Variants in NRP1 observed in about 807,000 individuals in gnomAD.
NRP1 encodes neuropilin-1.
Under a neutral mutation model 106.7 loss-of-function variants are expected in NRP1, and 35 were observed. The observed-to-expected ratio is 0.33, with a 90% confidence interval of 0.25 to 0.43. NRP1 has a LOEUF of 0.43. Ranked by LOEUF, NRP1 falls within the 20% of genes least tolerant of loss-of-function variation. The pLI, the probability that NRP1 is intolerant of heterozygous loss-of-function variation, is 1.00. For synonymous variants in NRP1, 437 were observed against 417.9 expected (o/e 1.05, Z -0.56); for missense variants, 1,024 against 1,170.4 (o/e 0.87, Z 1.83).
In NRP1 at chr10:33,293,292, C is replaced by T. The variant is rs192192121; in HGVS notation, c.249-22436G>A. ...ATATTTTTGGCCTGACAAACTTTAA[C>T]TTCTTTAGTACATATCTTGGCAGCC... On this transcript the variant is annotated intron_variant, in intron 2 of 16. Coordinates refer to ENST00000374867, the MANE Select transcript of NRP1 (RefSeq NM_003873.7). Among the ~76,000 whole-genome samples the T allele has an allele frequency of 1.5e-4, 23 of 152,290 alleles. No homozygotes were observed. The East Asian group carries it at 3.7e-3, about 24-fold the overall frequency.
At chr10:33,235,078 A>G (rs1564408371) in intron 6 of NRP1, among the ~76,000 whole-genome samples, 1 of 152,216 alleles carries the variant, frequency 6.6e-6, no homozygotes, top group East Asian at 1.9e-4. Flanking sequence ...TTTATAACAC[A>G]TTCTCCCACT....
chr10:33,258,537 C>T (rs3780869), intron 4 of NRP1, among the ~76,000 whole-genome samples: 21,443 of 152,204 alleles, frequency 0.14, 1,676 homozygotes, highest in Middle Eastern at 0.22. Context: ...CAGGGCATCA[C>T]GCTGTCACGG....
chr10:33,331,836 A>C (rs1278227908), intron 1 of NRP1, among the ~76,000 whole-genome samples: 1 of 152,216 alleles, frequency 6.6e-6, no homozygotes, highest in Admixed American at 6.5e-5. Flanking sequence ...AAATGCTGCC[A>C]CATTTATTGA....
intron 2 of NRP1, among the ~76,000 whole-genome samples, chr10:33,281,538 CA>C (rs1844130819): frequency 1.3e-5 from 2 of 152,138 alleles, no homozygotes; most frequent in African/African-American, 4.8e-5. Context: ...CAAAGTGTCA[CA>C]GGGGACAATG....
intron 8 of NRP1, 88 bp from the exon 9 acceptor site, chr10:33,213,805 C>T: frequency 2.9e-6 from 3 of 1,042,098 alleles, no homozygotes; most frequent in Non-Finnish European, 4.2e-6. Flanking sequence ...GGAATAAAGA[C>T]ATGATTTTGT....
intron 2 of NRP1, among the ~76,000 whole-genome samples, chr10:33,285,164 C>T (rs536583327): frequency 6.6e-5 from 10 of 152,306 alleles, no homozygotes; most frequent in Middle Eastern, 3.4e-3. Context: ...AGAGCTCAAC[C>T]AAGGCTGACA....
At chr10:33,221,956 A>G in intron 7 of NRP1, 93 bp from the exon 8 acceptor site, 3 of 1,381,528 alleles carry the variant, frequency 2.2e-6, no homozygotes, top group Non-Finnish European at 3.0e-6. Context: ...AATTATTTAC[A>G]ATTTCAGTGT....
At chr10:33,281,573 G>A (rs1844133021) in intron 2 of NRP1, among the ~76,000 whole-genome samples, 1 of 152,172 alleles carries the variant, frequency 6.6e-6, no homozygotes, top group African/African-American at 2.4e-5. Context: ...ACATCTACCT[G>A]ACATCTGGCA....
chr10:33,207,486 A>C (rs1588722172), intron 10 of NRP1, 86 bp downstream of exon 10: 2 of 1,494,790 alleles, frequency 1.3e-6, no homozygotes, highest in East Asian at 2.3e-5. Flanking sequence ...AGGGTAGGCA[A>C]TTTGCAAAGG....
chr10:33,295,747 G>C (rs1231403480), intron 2 of NRP1, among the ~76,000 whole-genome samples: 1 of 152,020 alleles, frequency 6.6e-6, no homozygotes, highest in African/African-American at 2.4e-5. Context: ...TATATTTTGG[G>C]GGTACACCAT....
chr10:33,272,181 T>G (rs1843354361), intron 2 of NRP1, among the ~76,000 whole-genome samples: 1 of 152,176 alleles, frequency 6.6e-6, no homozygotes. Flanking sequence ...AACGATGCTA[T>G]CACTAGTAAA....
At position 33,188,910 on chromosome 10, in the gene NRP1, AATAT is replaced by A. The variant is rs9299704; in HGVS notation, c.2063-2426_2063-2423del. 3.1e-4 allele frequency among the ~76,000 whole-genome samples: 35 copies of A among 111,380 alleles called. 2 individuals are homozygous for A. The highest frequency in any genetic ancestry group is 1.2e-3 in the African/African-American group (30 of 24,716). 73.1% of individuals were successfully genotyped at this position (111,380 alleles called of 152,430 possible). A position where few individuals can be genotyped will look rare whatever the true frequency, so the allele number is the denominator to read the frequency against. On this transcript the variant is annotated intron_variant, in intron 13 of 16. Coordinates refer to ENST00000374867, the MANE Select transcript of NRP1 (RefSeq NM_003873.7). The stretch of plus-strand genomic sequence containing the variant: ...CCTAGGCAACAGAGACCCTGTCTTA[AATAT>A]ATATATATATATATATATATATAAA...
At chr10:33,278,921 G>A (rs1204805415) in intron 2 of NRP1, among the ~76,000 whole-genome samples, 5 of 152,064 alleles carry the variant, frequency 3.3e-5, no homozygotes, top group Non-Finnish European at 7.4e-5. Context: ...AGGTACGAGA[G>A]TTTATAGTCC....
At chr10:33,236,869 A>G (rs974608407) in intron 6 of NRP1, among the ~76,000 whole-genome samples, 4 of 152,242 alleles carry the variant, frequency 2.6e-5, no homozygotes, top group Non-Finnish European at 5.9e-5. Flanking sequence ...CAGGTATTGT[A>G]CTAAGTGCTA....
At chr10:33,200,207 T>C (rs1309558996) in intron 11 of NRP1, among the ~76,000 whole-genome samples, 1 of 152,196 alleles carries the variant, frequency 6.6e-6, no homozygotes, top group Admixed American at 6.5e-5. Flanking sequence ...ATATGCATTA[T>C]CAGTTTTGCT....
chr10:33,251,869 G>A (rs1012593005), intron 6 of NRP1, among the ~76,000 whole-genome samples: 7 of 152,124 alleles, frequency 4.6e-5, no homozygotes, highest in African/African-American at 1.4e-4. Flanking sequence ...GAAGGCAAGA[G>A]CGCGGTCCCT....
chr10:33,213,961 C>T (rs994597164), intron 8 of NRP1, among the ~76,000 whole-genome samples: 2 of 152,146 alleles, frequency 1.3e-5, no homozygotes, highest in South Asian at 2.1e-4. Context: ...ACATTTCCCC[C>T]GCTTTGACAT....
intron 6 of NRP1, among the ~76,000 whole-genome samples, chr10:33,237,576 C>CTTCT (rs773137514): frequency 3.0e-5 from 3 of 99,880 alleles, no homozygotes; most frequent in Non-Finnish European, 5.6e-5. Context: ...TTTCCTTCTT[C>CTTCT]TTTTTTTTTT....
At chr10:33,323,197 C>A (rs1220663425) in intron 2 of NRP1, among the ~76,000 whole-genome samples, 1 of 151,714 alleles carries the variant, frequency 6.6e-6, no homozygotes, top group Non-Finnish European at 1.5e-5. Context: ...GTGAGAAGCC[C>A]CCCCATCCTT....
Sources: allele counts gnomAD v4.1 joint callset (sites outside exome capture counted in the v4.1 genomes callset), GRCh38; gene constraint gnomAD v4.1.1; transcripts MANE v1.5; gene names NCBI Gene and HGNC (gene_info 2026-07-23, HGNC 2026-07-21).